Variants in WWOX observed in about 807,000 individuals in gnomAD.
The protein encoded by WWOX is WW domain-containing oxidoreductase.
A neutral mutation model predicts 46.2 loss-of-function variants in WWOX; 69 were observed. That is an observed-to-expected ratio of 1.49 (90% CI 1.23 to 1.82). The LOEUF is 1.82. WWOX is among the 40% of genes most tolerant of loss of function. WWOX has a pLI of 0.00. For synonymous variants in WWOX, 359 were observed against 202.6 expected, an observed-to-expected ratio of 1.77 and a Z score of -6.56; for missense variants, 919 against 542.6, an observed-to-expected ratio of 1.69 and a Z score of -6.89.
intron 8 of WWOX, among the ~76,000 whole-genome samples, chr16:78,734,610 A>T (rs1162886641): frequency 6.6e-6 from 1 of 151,922 alleles, no homozygotes; most frequent in Non-Finnish European, 1.5e-5. Flanking sequence ...TTTCAACTTG[A>T]TTAGGTCCCA....
At chr16:79,129,142 A>G (rs570132812) in intron 8 of WWOX, among the ~76,000 whole-genome samples, 1 of 152,166 alleles carries the variant, frequency 6.6e-6, no homozygotes, top group African/African-American at 2.4e-5. Flanking sequence ...TGCCTCCTGT[A>G]TCTCAGTAGG....
chr16:79,199,540 C>G (rs928473779), intron 8 of WWOX, among the ~76,000 whole-genome samples: 1 of 152,184 alleles, frequency 6.6e-6, no homozygotes, highest in African/African-American at 2.4e-5. Flanking sequence ...CATTTACTGA[C>G]TTGAGCCTCA....
chr16:78,617,394 C>A (rs1305859231), intron 8 of WWOX, among the ~76,000 whole-genome samples: 1 of 116,186 alleles, frequency 8.6e-6, no homozygotes, highest in Non-Finnish European at 1.8e-5. Flanking sequence ...ACAGAGAAAC[C>A]TTGTATCCAA....
intron 8 of WWOX, among the ~76,000 whole-genome samples, chr16:78,944,513 AT>A (rs1395344007): frequency 7.2e-5 from 11 of 152,258 alleles, no homozygotes; most frequent in African/African-American, 2.6e-4. Context: ...CAACATTTAT[AT>A]TTGATTTGTC....
At chr16:78,528,553 T>C (rs2043538930) in intron 8 of WWOX, among the ~76,000 whole-genome samples, 1 of 152,116 alleles carries the variant, frequency 6.6e-6, no homozygotes, top group Non-Finnish European at 1.5e-5. Context: ...TAAGTGGAGG[T>C]AAGAGAATGT....
At chr16:78,760,920 G>C (rs987673608) in intron 8 of WWOX, among the ~76,000 whole-genome samples, 3 of 152,172 alleles carry the variant, frequency 2.0e-5, no homozygotes, top group Non-Finnish European at 4.4e-5. Context: ...TGGTGGCAGA[G>C]AACAGAAGAG....
chr16:78,870,206 C>T (rs1002131733), intron 8 of WWOX, among the ~76,000 whole-genome samples: 37 of 152,302 alleles, frequency 2.4e-4, no homozygotes, highest in African/African-American at 8.4e-4. Flanking sequence ...AATCTGCTTC[C>T]TCAAGATTCT....
chr16:78,322,139 G>A (rs1297618156), intron 5 of WWOX, among the ~76,000 whole-genome samples: 2 of 152,118 alleles, frequency 1.3e-5, no homozygotes, highest in East Asian at 3.9e-4. Context: ...CTTCTCACTT[G>A]CCCTGCCAGG....
Position 78,256,589 on chromosome 16 carries a change from G to T in WWOX, c.516+92300G>T, listed in dbSNP as rs552139280. On this transcript the variant is annotated intron_variant, in intron 5 of 8. Coordinates refer to ENST00000566780, the MANE Select transcript of WWOX (RefSeq NM_016373.4). The stretch of plus-strand genomic sequence containing the variant: ...AACTGAGGCCAGGAGAGGGTCATTA[G>T]CAAACTGTCCTTTGCTAAATGGGAC... 4.0e-5 allele frequency among the ~76,000 whole-genome samples: 6 copies of T among 151,802 alleles called. No homozygotes were observed. The East Asian group carries it at 1.2e-3, about 30-fold the overall frequency.
chr16:78,756,732 A>G (rs1372052151), intron 8 of WWOX, among the ~76,000 whole-genome samples: 2 of 152,204 alleles, frequency 1.3e-5, no homozygotes, highest in African/African-American at 4.8e-5. Context: ...AAGGTGGTGG[A>G]CAAAGAATCA....
intron 8 of WWOX, among the ~76,000 whole-genome samples, chr16:78,919,959 C>T (rs569955410): frequency 1.3e-5 from 2 of 152,288 alleles, no homozygotes; most frequent in African/African-American, 4.8e-5. Flanking sequence ...CTACCAAACA[C>T]GTAAGCTTAT....
At position 78,790,758 on chromosome 16, in the gene WWOX, G is replaced by A. The variant is rs143145805; in HGVS notation, c.1056+358006G>A. Among the ~76,000 whole-genome samples the A allele has an allele frequency of 3.6e-3, 555 of 152,246 alleles. 3 individuals carry two copies. Among genetic ancestry groups the A allele is most frequent in the African/African-American group, 0.013 (525 of 41,564 alleles). ...CTGTTGGCTGGGCACAGTGACTCAT[G>A]CCTGTAACCCTAGCACTTTGGGAGG... On this transcript the variant is annotated intron_variant, in intron 8 of 8. Transcript: ENST00000566780.
intron 8 of WWOX, among the ~76,000 whole-genome samples, chr16:78,939,791 C>A (rs1320932667): frequency 2.6e-5 from 4 of 152,280 alleles, no homozygotes; most frequent in Non-Finnish European, 5.9e-5. Context: ...ATTCCACTTC[C>A]CCTTTTAGCC....
chr16:78,878,399 A>G lies in WWOX; in HGVS notation c.1057-333209A>G, dbSNP rs986825812. On this transcript the variant is annotated intron_variant, in intron 8 of 8. Transcript: ENST00000566780. ...AGTAATTATCATAACTTTGGAACAA[A>G]TTGACCTCTCTAAGCCTCAGTTTAT... 5.9e-5 allele frequency among the ~76,000 whole-genome samples: 9 copies of G among 152,328 alleles called. No individual in the cohort carries two copies. The South Asian group carries it at 1.9e-3, about 32-fold the overall frequency.
At chr16:78,585,922 C>G (rs538601753) in intron 8 of WWOX, among the ~76,000 whole-genome samples, 1 of 151,920 alleles carries the variant, frequency 6.6e-6, no homozygotes, top group African/African-American at 2.4e-5. Context: ...TGGTGATCAG[C>G]GTGGTGGCTC....
At chr16:79,115,870 C>T (rs1315963845) in intron 8 of WWOX, among the ~76,000 whole-genome samples, 1 of 152,160 alleles carries the variant, frequency 6.6e-6, no homozygotes, top group Non-Finnish European at 1.5e-5. Context: ...TGAAGAGTCT[C>T]TTATTTTTTA....
intron 8 of WWOX, among the ~76,000 whole-genome samples, chr16:78,845,744 G>A (rs74031710): frequency 0.012 from 1,842 of 152,250 alleles, 42 homozygotes; most frequent in African/African-American, 0.042. Flanking sequence ...ATGGTTGAAG[G>A]TTGAGATATG....
intron 6 of WWOX, 30 bp from the exon 7 acceptor site, chr16:78,424,840 C>T (rs1007029734): frequency 5.0e-6 from 8 of 1,613,260 alleles, no homozygotes; most frequent in Non-Finnish European, 6.8e-6. Context: ...GTGTTTATGT[C>T]CACATCACAT....
chr16:78,877,251 C>G (rs932232183), intron 8 of WWOX, among the ~76,000 whole-genome samples: 4 of 151,930 alleles, frequency 2.6e-5, no homozygotes, highest in African/African-American at 9.7e-5. Flanking sequence ...CAGTAGGACA[C>G]CAAACCCTCT....
Sources: gnomAD v4.1 joint callset for allele counts (sites outside exome capture counted in the v4.1 genomes callset) on GRCh38, gnomAD v4.1.1 for gene constraint, MANE v1.5 for transcripts, NCBI Gene and HGNC (gene_info 2026-07-23, HGNC 2026-07-21) for gene names.